The following ERG variants were observed in gnomAD, a reference collection of about 807,000 sequenced individuals.
The protein encoded by ERG is ETS transcription factor ERG, also known as transcriptional regulator ERG.
Under a neutral mutation model 55.3 loss-of-function variants are expected in ERG, and 9 were observed. The observed-to-expected ratio is 0.16, with a 90% confidence interval of 0.10 to 0.28. ERG has a LOEUF of 0.28. Among genes scored for constraint, ERG ranks in the 10% least tolerant of loss-of-function variants. The pLI, the probability that ERG is intolerant of heterozygous loss-of-function variation, is 1.00. For synonymous variants in ERG, 223 were observed against 237.3 expected, an observed-to-expected ratio of 0.94 and a Z score of 0.55; for missense variants, 434 against 631.6, an observed-to-expected ratio of 0.69 and a Z score of 3.35.
chr21:38,601,640 G>T (rs2060165168), intron 1 of ERG, among the ~76,000 whole-genome samples: 1 of 152,038 alleles, frequency 6.6e-6, no homozygotes. Flanking sequence ...CCTTTGACAG[G>T]CACCCATGAG....
At chr21:38,464,419 GAC>G (rs2059070296) in intron 1 of ERG, among the ~76,000 whole-genome samples, 1 of 152,184 alleles carries the variant, frequency 6.6e-6, no homozygotes, top group South Asian at 2.1e-4. Flanking sequence ...TAAAACATCA[GAC>G]ACACTGTGGA....
chr21:38,627,681 A>G (rs1439375810), intron 1 of ERG, among the ~76,000 whole-genome samples: 6 of 152,244 alleles, frequency 3.9e-5, no homozygotes, highest in Non-Finnish European at 8.8e-5. Context: ...AATGTTTGAA[A>G]TGGGAAATGA....
At chr21:38,591,928 T>C (rs953681520) in intron 1 of ERG, among the ~76,000 whole-genome samples, 1 of 152,212 alleles carries the variant, frequency 6.6e-6, no homozygotes, top group African/African-American at 2.4e-5. Flanking sequence ...AAAGCAGGTA[T>C]GTTTATAGAC....
chr21:38,473,161 A>T (rs1217328865), intron 1 of ERG, among the ~76,000 whole-genome samples: 1 of 25,134 alleles, frequency 4.0e-5, no homozygotes, highest in African/African-American at 7.0e-5. Flanking sequence ...GATGCGCTCA[A>T]AAAAAAAAAA....
At chr21:38,597,926 T>C (rs2060141971) in intron 1 of ERG, among the ~76,000 whole-genome samples, 1 of 152,212 alleles carries the variant, frequency 6.6e-6, no homozygotes, top group African/African-American at 2.4e-5. Context: ...TGACTTAAAG[T>C]CGATTATGTG....
At chr21:38,587,475 C>T (rs1434146815), upstream of ERG, among the ~76,000 whole-genome samples, 10 of 152,060 alleles carry the variant, frequency 6.6e-5, no homozygotes. Flanking sequence ...TCTCCTGCCT[C>T]AGCCTCCCGA....
At chr21:38,394,641 C>A (rs1423186424) in intron 6 of ERG, among the ~76,000 whole-genome samples, 4 of 152,128 alleles carry the variant, frequency 2.6e-5, no homozygotes, top group Non-Finnish European at 4.4e-5. Context: ...CGTGAGCCAC[C>A]GCGCCTGGCC....
intron 1 of ERG, among the ~76,000 whole-genome samples, chr21:38,626,985 T>C (rs1349223017): frequency 4.6e-5 from 7 of 152,172 alleles, no homozygotes; most frequent in Non-Finnish European, 7.4e-5. Flanking sequence ...CCATAATTGA[T>C]AGCAAAGTGC....
At position 38,381,180 on chromosome 21, in the gene ERG, T is replaced by G. The variant is rs1377523604; in HGVS notation, c.*2223A>C. On this transcript the variant is annotated 3_prime_UTR_variant, in exon 10 of 10. Coordinates refer to ENST00000288319, the MANE Select transcript of ERG (RefSeq NM_182918.4). ...TCCACAGCACAGAGGTTTGGCAACT[T>G]CACATAATCATAGCAAAAGGACTGC... is the stretch of plus-strand genomic sequence containing the variant. The G allele has an allele frequency of 3.1e-5, 33 of 1,065,002 alleles. No individual in the cohort carries two copies. Among genetic ancestry groups the G allele is most frequent in the Non-Finnish European group, 3.6e-5 (32 of 879,164 alleles). 66.0% of individuals were successfully genotyped at this position (1,065,002 alleles called of 1,614,324 possible). A position where few individuals can be genotyped will look rare whatever the true frequency, so the allele number is the denominator to read the frequency against.
intron 1 of ERG, among the ~76,000 whole-genome samples, chr21:38,468,207 C>T (rs1325761791): frequency 2.0e-5 from 3 of 152,182 alleles, no homozygotes; most frequent in Non-Finnish European, 2.9e-5. Flanking sequence ...CCCGGCAGGT[C>T]AGCTCATCAA....
chr21:38,397,289 G>A (rs1988267922), intron 6 of ERG, among the ~76,000 whole-genome samples: 1 of 152,028 alleles, frequency 6.6e-6, no homozygotes, highest in African/African-American at 2.4e-5. Flanking sequence ...GGGAAGGTGG[G>A]CCATGAACAG....
At chr21:38,612,331 A>G (rs548341492) in intron 1 of ERG, among the ~76,000 whole-genome samples, 12 of 152,264 alleles carry the variant, frequency 7.9e-5, no homozygotes, top group Non-Finnish European at 1.5e-5. Context: ...TTTAGAAATA[A>G]AGTAATAGGA....
intron 2 of ERG, among the ~76,000 whole-genome samples, chr21:38,573,392 G>A (rs1258872099): frequency 1.3e-5 from 2 of 152,186 alleles, no homozygotes; most frequent in South Asian, 4.1e-4. Flanking sequence ...CTGCCCCTGG[G>A]AACTGAATGT....
chr21:38,639,221 T>C (rs908571248), intron 1 of ERG, among the ~76,000 whole-genome samples: 16 of 152,298 alleles, frequency 1.1e-4, no homozygotes, highest in Admixed American at 7.2e-4. Flanking sequence ...CACAGTTTCC[T>C]AGTGAATTAT....
At chr21:38,500,857 A>AGTG (rs568616710), upstream of ERG, among the ~76,000 whole-genome samples, 17 of 152,268 alleles carry the variant, frequency 1.1e-4, no homozygotes, top group East Asian at 2.9e-3. Context: ...GGGGATACTG[A>AGTG]GTGGTAAATT....
At chr21:38,576,081 G>A (rs1008394026) in intron 1 of ERG, among the ~76,000 whole-genome samples, 6 of 152,208 alleles carry the variant, frequency 3.9e-5, no homozygotes, top group African/African-American at 7.2e-5. Context: ...AAAGGAAGAC[G>A]TGGGACTAAA....
chr21:38,438,052 C>T (rs540895379), intron 2 of ERG, among the ~76,000 whole-genome samples: 4 of 152,320 alleles, frequency 2.6e-5, no homozygotes, highest in East Asian at 3.9e-4. Context: ...ACAGCAGCCA[C>T]GATGGCCTGC....
At chr21:38,565,096 T>C (rs2059914968) in intron 2 of ERG, among the ~76,000 whole-genome samples, 1 of 152,122 alleles carries the variant, frequency 6.6e-6, no homozygotes, top group Admixed American at 6.5e-5. Context: ...ACAAACAAAA[T>C]CTTTAAAGTC....
intron 1 of ERG, among the ~76,000 whole-genome samples, chr21:38,612,844 G>C (rs766450042): frequency 6.6e-6 from 1 of 151,954 alleles, no homozygotes; most frequent in African/African-American, 2.4e-5. Context: ...TGTATTTTTA[G>C]TAGAGATGGG....
Sources: gnomAD v4.1 joint callset for allele counts (sites outside exome capture counted in the v4.1 genomes callset) on GRCh38, gnomAD v4.1.1 for gene constraint, MANE v1.5 for transcripts, NCBI Gene and HGNC (gene_info 2026-07-23, HGNC 2026-07-21) for gene names.